The following ANKRD42 variants were observed in gnomAD, a reference collection of about 807,000 sequenced individuals.
ANKRD42 encodes ankyrin repeat domain 42.
A neutral mutation model predicts 51.5 loss-of-function variants in ANKRD42; 43 were observed. The ratio of observed to expected loss-of-function variants is 0.83; its 90% confidence interval spans 0.65 to 1.08. ANKRD42 has a LOEUF of 1.08. Among genes scored for constraint, ANKRD42 ranks in the 50% least tolerant of loss-of-function variants. The pLI is 0.00. For synonymous variants in ANKRD42, 203 were observed against 213.0 expected (o/e 0.95, Z 0.41); for missense variants, 608 against 629.3 (o/e 0.97, Z 0.36).
At chr11:83,213,373 A>G (rs1862403277) in intron 5 of ANKRD42, 3 of 1,575,280 alleles carry the variant, frequency 1.9e-6, no homozygotes, top group African/African-American at 1.3e-5. Flanking sequence ...ACCAACCCCA[A>G]CGCCAGGCTG....
In ANKRD42 at chr11:83,194,677, G is replaced by A. The variant is rs1017799691; in HGVS notation, c.7G>A (p.Gly3Arg). 7.4e-6 allele frequency: 12 copies of A among 1,613,658 alleles called. No homozygotes were observed. The highest frequency in any genetic ancestry group is 9.3e-6 in the Non-Finnish European group (11 of 1,179,932). Residue 3 changes from glycine (G) to arginine (R), a missense_variant, in exon 1 of 11, where the codon GGG becomes AGG. Physicochemically the swap from Gly to Arg is moderately radical, Grantham distance 125 (BLOSUM62 -2). Transcript: ENST00000533342. Reference sequence around the variant, plus strand: ...GAGTCGGAGGTGTTGCGCCATGCCCGGGGTGGCCAATTCAGGCCCCTCCAC... The same window carrying A: ...GAGTCGGAGGTGTTGCGCCATGCCCAGGGTGGCCAATTCAGGCCCCTCCAC... Reference protein sequence around the residue: MPGVANSGPSTSS... With the variant: MPRVANSGPSTSS...
intron 1 of ANKRD42, among the ~76,000 whole-genome samples, chr11:83,196,299 T>G (rs1861650655): frequency 2.0e-5 from 3 of 152,184 alleles, no homozygotes; most frequent in Admixed American, 2.0e-4. Flanking sequence ...AAGTCCAAGT[T>G]TTTAAAAATA....
chr11:83,263,095 C>T (rs908804732), downstream of ANKRD42, among the ~76,000 whole-genome samples: 53 of 151,850 alleles, frequency 3.5e-4, no homozygotes, highest in African/African-American at 1.3e-3. Flanking sequence ...CATTTTTTTT[C>T]TCTTAATAAA....
intron 2 of ANKRD42, 93 bp from the exon 3 acceptor site, chr11:83,205,963 TAC>T: frequency 1.0e-6 from 1 of 1,002,682 alleles, no homozygotes; most frequent in Non-Finnish European, 1.5e-6. Context: ...TCTCATTCAC[TAC>T]AGTCTGCTAT....
intron 5 of ANKRD42, among the ~76,000 whole-genome samples, chr11:83,218,384 A>G (rs1182972709): frequency 6.6e-6 from 1 of 152,162 alleles, no homozygotes; most frequent in African/African-American, 2.4e-5. Context: ...CTGAGATACC[A>G]TAAATGTCCA....
intron 5 of ANKRD42, among the ~76,000 whole-genome samples, chr11:83,211,650 AAAAG>A (rs1277588345): frequency 3.3e-5 from 5 of 151,362 alleles, no homozygotes; most frequent in Admixed American, 6.6e-5. Context: ...AAAAAAAAGT[AAAAG>A]AAAGAAAAAA....
At chr11:83,240,974 A>G (rs1863368591) in intron 9 of ANKRD42, 40 bp downstream of exon 9, 4 of 1,566,684 alleles carry the variant, frequency 2.6e-6, no homozygotes, top group Admixed American at 2.0e-5. Context: ...CCTTTCAGAA[A>G]TACCACAGCC....
chr11:83,247,075 G>T (rs935457382), intron 10 of ANKRD42, among the ~76,000 whole-genome samples: 1 of 151,864 alleles, frequency 6.6e-6, no homozygotes, highest in Non-Finnish European at 1.5e-5. Context: ...CATATAGGTG[G>T]CTGTCCACTG....
chr11:83,212,902 A>AT, intron 5 of ANKRD42: 2 of 1,435,152 alleles, frequency 1.4e-6, no homozygotes, highest in Non-Finnish European at 1.8e-6. Flanking sequence ...GTATTTTGTA[A>AT]GTTTTTTTTT....
intron 5 of ANKRD42, among the ~76,000 whole-genome samples, chr11:83,218,886 T>C (rs757266255): frequency 2.0e-5 from 3 of 152,216 alleles, no homozygotes; most frequent in Non-Finnish European, 4.4e-5. Flanking sequence ...TACCTTCCTG[T>C]TTACAGAAAA....
At chr11:83,210,155 T>C (rs1590972310) in intron 3 of ANKRD42, 145 bp from the exon 4 acceptor site, 14 of 691,214 alleles carry the variant, frequency 2.0e-5, no homozygotes, top group East Asian at 1.8e-4. Flanking sequence ...GAATTTCTTA[T>C]GTTTTGCCTG....
At chr11:83,216,307 T>C (rs990169620) in intron 5 of ANKRD42, among the ~76,000 whole-genome samples, 1 of 152,168 alleles carries the variant, frequency 6.6e-6, no homozygotes, top group African/African-American at 2.4e-5. Context: ...TTCTTCCTGA[T>C]TGAAGAAGTC....
At chr11:83,230,077 A>T (rs1863021163) in intron 7 of ANKRD42, among the ~76,000 whole-genome samples, 1 of 152,194 alleles carries the variant, frequency 6.6e-6, no homozygotes, top group South Asian at 2.1e-4. Flanking sequence ...GCTATCAGAT[A>T]GTCTCACTCT....
At position 83,193,726 on chromosome 11, in the gene ANKRD42, C is replaced by T. The variant is rs1005776100; in HGVS notation, c.-945C>T. On this transcript the variant is annotated 5_prime_UTR_variant, in exon 1 of 11. Transcript: ENST00000533342. ...GTCGGAAGTGTACTCGTTTCCAAGG[C>T]GACGGCCCTGCTGCCTCTCCAGCCA... The T allele has an allele frequency of 2.5e-6, 1 of 400,088 alleles. No individual in the cohort carries two copies. Among genetic ancestry groups the T allele is most frequent in the Admixed American group, 3.2e-5 (1 of 31,520 alleles). 24.8% of individuals were successfully genotyped at this position (400,088 alleles called of 1,614,324 possible).
At chr11:83,199,366 A>G (rs1280543996) in intron 2 of ANKRD42, among the ~76,000 whole-genome samples, 1 of 152,220 alleles carries the variant, frequency 6.6e-6, no homozygotes, top group Admixed American at 6.5e-5. Context: ...CATACATTAT[A>G]TAAATGATAT....
At chr11:83,258,919 G>C (rs1199331791), downstream of ANKRD42, among the ~76,000 whole-genome samples, 1 of 151,608 alleles carries the variant, frequency 6.6e-6, no homozygotes, top group African/African-American at 2.4e-5. Context: ...GGCAGGTTAG[G>C]ATCTACACTG....
intron 11 of ANKRD42, among the ~76,000 whole-genome samples, chr11:83,254,221 C>A (rs980306910): frequency 2.0e-5 from 3 of 151,984 alleles, no homozygotes; most frequent in Non-Finnish European, 4.4e-5. Context: ...GTGATCTGCC[C>A]ACCACAGCCT....
At chr11:83,213,274 G>A (rs2135508155) in intron 5 of ANKRD42, 3 of 1,596,062 alleles carry the variant, frequency 1.9e-6, no homozygotes, top group Non-Finnish European at 2.6e-6. Context: ...TGCTGCTGAT[G>A]TGCAACAGAT....
chr11:83,224,496 A>G (rs1862812247), intron 5 of ANKRD42, among the ~76,000 whole-genome samples: 1 of 152,240 alleles, frequency 6.6e-6, no homozygotes, highest in South Asian at 2.1e-4. Context: ...GACTGTGTAA[A>G]GAAATGCAGG....
Sources: gnomAD v4.1 joint callset for allele counts (sites outside exome capture counted in the v4.1 genomes callset) on GRCh38, gnomAD v4.1.1 for gene constraint, MANE v1.5 for transcripts, NCBI Gene and HGNC (gene_info 2026-07-23, HGNC 2026-07-21) for gene names.